The following ROGDI variants were observed in gnomAD, a reference collection of about 807,000 sequenced individuals.
The protein encoded by ROGDI is rogdi atypical leucine zipper.
In ROGDI, 46 loss-of-function variants were observed where a neutral mutation model predicts 43.1. The observed-to-expected ratio is 1.07, with a 90% CI of 0.84 to 1.37. The LOEUF (loss-of-function observed/expected upper bound fraction) is 1.37. Among genes scored for constraint, ROGDI ranks in the 40% most tolerant of loss-of-function variants. The pLI is 0.00. For synonymous variants in ROGDI, 243 were observed against 162.0 expected (o/e 1.50, Z -3.80); for missense variants, 518 against 383.9 (o/e 1.35, Z -2.92).
intron 4 of ROGDI, chr16:4,800,858 C>A (rs1056101647): frequency 3.5e-5 from 19 of 542,616 alleles, no homozygotes; most frequent in East Asian, 6.3e-5. Context: ...AGGCTCTGTG[C>A]GAACGGGGTG....
intron 6 of ROGDI, among the ~76,000 whole-genome samples, chr16:4,799,415 G>A (rs1410932624): frequency 6.6e-6 from 1 of 152,108 alleles, no homozygotes; most frequent in Non-Finnish European, 1.5e-5. Flanking sequence ...CTTCACATGT[G>A]CCACGCGGTT....
rs1172473433 is a variant in ROGDI, at chr16:4,801,234, C to A, written c.255+33G>T. 4 of 1,557,610 alleles carry A rather than the reference C, an allele frequency of 2.6e-6. No individual in the cohort carries two copies. In the Admixed American group the frequency reaches 5.5e-5, roughly 22 times the overall value. On this transcript the variant is annotated intron_variant, in intron 4 of 10. Transcript: ENST00000322048. Reference sequence around the variant, plus strand: ...GAGCTCCCATGCTCTTCCCCATTGGCAGGATGGGAGGGGACAGGGCCGGGG... The same window carrying A: ...GAGCTCCCATGCTCTTCCCCATTGGAAGGATGGGAGGGGACAGGGCCGGGG...
chr16:4,800,043 G>A (rs1245216342), intron 5 of ROGDI, among the ~76,000 whole-genome samples: 1 of 152,178 alleles, frequency 6.6e-6, no homozygotes, highest in Non-Finnish European at 1.5e-5. Context: ...AGTTGCGGAG[G>A]GAAGCAAACA....
At chr16:4,797,861 CCT>C (rs1017679693) in intron 9 of ROGDI, 21 bp from the exon 10 acceptor site, 53 of 1,609,360 alleles carry the variant, frequency 3.3e-5, no homozygotes, top group Non-Finnish European at 4.4e-5. Flanking sequence ...TGAGAGGGTC[CCT>C]GAGGAGGGTC....
At position 4,800,690 on chromosome 16, in the gene ROGDI, G is replaced by A. The variant is rs1451343451; in HGVS notation, c.256-112C>T. 5 of 872,616 alleles carry A rather than the reference G, an allele frequency of 5.7e-6. No individual in the cohort carries two copies. The Admixed American group carries it at 1.0e-4, about 18-fold the overall frequency. 54.1% of individuals were successfully genotyped at this position (872,616 alleles called of 1,614,324 possible). A position where few individuals can be genotyped will look rare whatever the true frequency, so the allele number is the denominator to read the frequency against. On this transcript the variant is annotated intron_variant, in intron 4 of 10. Transcript: ENST00000322048. Reference sequence around the variant, plus strand: ...GGGGTGTGTGGTGGTTCAGGCCTTGGCCGCTGTATAGGGCAGAGGGTCTCC... The same window carrying A: ...GGGGTGTGTGGTGGTTCAGGCCTTGACCGCTGTATAGGGCAGAGGGTCTCC...
Position 4,798,566 on chromosome 16 carries a change from G to T in ROGDI, c.531+3C>A, listed in dbSNP as rs2082682095. ...TGCAGCAGGGGCTGGCAGGGGCACT[G>T]ACCGTGAGGCCGCTGGCGGCGATCT... On this transcript the variant is annotated splice_donor_region_variant and intron_variant, in intron 7 of 10. Coordinates refer to ENST00000322048, the MANE Select transcript of ROGDI (RefSeq NM_024589.3). 6.4e-7 allele frequency: 1 copy of T among 1,550,492 alleles called. No individual in the cohort carries two copies. Among genetic ancestry groups the T allele is most frequent in the African/African-American group, 1.3e-5 (1 of 74,368 alleles).
Position 4,797,827 on chromosome 16 carries a change from G to T in ROGDI, c.709C>A (p.Gln237Lys). Residue 237 changes from glutamine (Q) to lysine (K), a missense_variant, in exon 10 of 11, where the codon CAG (glutamine) becomes AAG (lysine). Physicochemically the swap from Gln to Lys is moderately conservative, Grantham distance 53. Transcript: ENST00000322048. Reference sequence around the variant, plus strand: ...TGCACGTGGCTCACCTCCAGGCGCTGAGAGCCCCACTCGCTGTGGGCAGTG... The same window carrying T: ...TGCACGTGGCTCACCTCCAGGCGCTTAGAGCCCCACTCGCTGTGGGCAGTG... The part of the protein sequence containing the change: ...SPGAMFEWGS[Q>K]RLEVSHVHKV... The T allele has an allele frequency of 1.2e-6, 2 of 1,611,962 alleles. No individual in the cohort carries two copies. The highest frequency in any genetic ancestry group is 1.7e-6 in the Non-Finnish European group (2 of 1,179,918).
chr16:4,800,480 C>T lies in ROGDI; in HGVS notation c.336+18G>A, dbSNP rs769472180. The T allele has an allele frequency of 7.1e-6, 11 of 1,550,176 alleles. No individual in the cohort carries two copies. The South Asian group carries it at 1.2e-4, about 17-fold the overall frequency. ...CCTGTCCTTGTGGCTGAGCACTAGC[C>T]AGGAGGGGCGGGGTCACCTGCTGCA... On this transcript the variant is annotated intron_variant, in intron 5 of 10. Coordinates refer to ENST00000322048, the MANE Select transcript of ROGDI (RefSeq NM_024589.3).
rs1425222869 is a variant in ROGDI, at chr16:4,800,552, G to T, written c.282C>A (p.Asn94Lys). The T allele has an allele frequency of 1.3e-6, 2 of 1,568,366 alleles. No individual in the cohort carries two copies. The change falls in exon 5 of 11, where the codon AAC becomes AAA. Residue 94 changes from asparagine to lysine, a missense_variant. Coordinates refer to ENST00000322048, the MANE Select transcript of ROGDI (RefSeq NM_024589.3). ...QADVNLKMPR[N>K]NQLLHFAFRE... ...GGAAGGCGAAGTGCAGCAGCTGGTT[G>T]TTCCGGGGCATCTTCAGGTTCACAT...
chr16:4,799,681 C>T lies in ROGDI; in HGVS notation c.432+5G>A. 1 of 1,610,626 alleles carries T rather than the reference C, an allele frequency of 6.2e-7. No individual in the cohort carries two copies. The highest frequency in any genetic ancestry group is 2.2e-5 in the East Asian group (1 of 44,828). ...GCCCAGGAGTCAGGCCCGGGGGCAGCTCACCTTGAGGACCTCAGCGCCCGT... is the reference window on the plus strand; with the variant it reads ...GCCCAGGAGTCAGGCCCGGGGGCAGTTCACCTTGAGGACCTCAGCGCCCGT... On this transcript the variant is annotated splice_donor_5th_base_variant and intron_variant, in intron 6 of 10. Coordinates refer to ENST00000322048, the MANE Select transcript of ROGDI (RefSeq NM_024589.3).
chr16:4,801,017 C>T (rs1489428695), intron 4 of ROGDI: 1 of 509,670 alleles, frequency 2.0e-6, no homozygotes, highest in East Asian at 3.1e-5. Flanking sequence ...CCACCAATGC[C>T]CATGTTTCAC....
In ROGDI at chr16:4,802,091, A is replaced by G. The variant is rs964907800; in HGVS notation, c.117+291T>C. 8 of 634,284 alleles carry G rather than the reference A, an allele frequency of 1.3e-5. No individual in the cohort carries two copies. The African/African-American group carries it at 1.4e-4, about 11-fold the overall frequency. 39.3% of individuals were successfully genotyped at this position (634,284 alleles called of 1,614,324 possible). The stretch of plus-strand genomic sequence containing the variant: ...AAGTCACACTGCCAGGCAGAGGCAG[A>G]ATTCTTCGGCTCCCAGATTGGATGC... On this transcript the variant is annotated intron_variant, in intron 2 of 10. Coordinates refer to ENST00000322048, the MANE Select transcript of ROGDI (RefSeq NM_024589.3).
intron 6 of ROGDI, 150 bp from the exon 7 acceptor site, chr16:4,798,817 A>G: frequency 1.5e-6 from 1 of 654,302 alleles, no homozygotes; most frequent in South Asian, 1.8e-5. Context: ...AAAGACAGGT[A>G]GTTGGGCTCC....
chr16:4,797,216 G>C lies in ROGDI; in HGVS notation c.*244C>G. 2.0e-6 allele frequency: 1 copy of C among 492,586 alleles called. No individual in the cohort carries two copies. The highest frequency in any genetic ancestry group is 3.7e-6 in the Non-Finnish European group (1 of 273,752). The allele number at this position is 492,586 out of a possible 1,614,324, so 30.5% of individuals were successfully genotyped here. On this transcript the variant is annotated 3_prime_UTR_variant, in exon 11 of 11. Transcript: ENST00000322048. Reference sequence around the variant, plus strand: ...AGATTCCCATGGTGATCAGAGGGCGGTGTTGGGAATGTGGGACACCCTTGG... The same window carrying C: ...AGATTCCCATGGTGATCAGAGGGCGCTGTTGGGAATGTGGGACACCCTTGG...
rs80033521 is a variant in ROGDI at position 4,798,138 on chromosome 16, T to G, written c.578A>C (p.Tyr193Ser). 14 of 1,613,874 alleles carry G rather than the reference T, an allele frequency of 8.7e-6. No homozygotes were observed. Among genetic ancestry groups the G allele is most frequent in the African/African-American group, 1.3e-5 (1 of 74,896 alleles). ...GAGGCAGAGCTTGTTGAGGTTGATG[T>G]AGACGTTGACCAGCAGGTCGGACGG... ...ALPSDLLVNV[Y>S]INLNKLCLTV... The change falls in exon 8 of 11, where the codon TAC becomes TCC. Residue 193 changes from tyrosine to serine, a missense_variant. Transcript: ENST00000322048.
At position 4,798,658 on chromosome 16, in the gene ROGDI, C is replaced by A. The variant is rs866344153; in HGVS notation, c.442G>T (p.Ala148Ser). 2 of 1,565,078 alleles carry A rather than the reference C, an allele frequency of 1.3e-6. No homozygotes were observed. The highest frequency in any genetic ancestry group is 2.3e-5 in the East Asian group (1 of 43,448). ...TGAEVLKLMD[A>S]VMLQLTRARN... Reference sequence around the variant, plus strand: ...GCTCTGGTCAGCTGCAGCATCACTGCGTCCATCAGCTGCAGGGAGAGGCGG... The same window carrying A: ...GCTCTGGTCAGCTGCAGCATCACTGAGTCCATCAGCTGCAGGGAGAGGCGG... The change falls in exon 7 of 11, where the codon GCA becomes TCA. Residue 148 changes from alanine to serine, a missense_variant. By Grantham distance (99) the Ala-to-Ser change is moderately conservative. Coordinates refer to ENST00000322048, the MANE Select transcript of ROGDI (RefSeq NM_024589.3).
intron 6 of ROGDI, 94 bp downstream of exon 6, chr16:4,799,592 G>T: frequency 1.1e-6 from 1 of 891,942 alleles, no homozygotes. Context: ...AGGTTGCACA[G>T]CTCAACGTGG....
intron 2 of ROGDI, 184 bp from the exon 3 acceptor site, chr16:4,801,769 G>C (rs1053095821): frequency 2.1e-5 from 13 of 614,748 alleles, no homozygotes; most frequent in African/African-American, 3.7e-5. Context: ...CCGTGAGCCC[G>C]ATCTCTGCTT....
In ROGDI at chr16:4,798,070, C is replaced by A. The variant is rs767542609; in HGVS notation, c.645+1G>T. 25 of 1,613,742 alleles carry A rather than the reference C, an allele frequency of 1.5e-5. No homozygotes were observed. The highest frequency in any genetic ancestry group is 2.0e-5 in the Non-Finnish European group (24 of 1,179,862). ...TGGGCCGGGCAGGGGTCCCTCCTCA[C>A]CTTGGTGGAGTTGGGCTGCAGGGCA... On this transcript the variant is annotated splice_donor_variant, in intron 8 of 10. Coordinates refer to ENST00000322048, the MANE Select transcript of ROGDI (RefSeq NM_024589.3). LOFTEE classifies it high-confidence loss of function.
Sources: gnomAD v4.1 joint callset for allele counts (sites outside exome capture counted in the v4.1 genomes callset) on GRCh38, gnomAD v4.1.1 for gene constraint, MANE v1.5 for transcripts, NCBI Gene and HGNC (gene_info 2026-07-23, HGNC 2026-07-21) for gene names.